The following HORMAD2 variants were observed in gnomAD, a reference collection of about 807,000 sequenced individuals.
HORMAD2 encodes the protein HORMA domain-containing protein 2.
In HORMAD2, 45 loss-of-function variants were observed where a neutral mutation model predicts 38.8. The ratio of observed to expected loss-of-function variants is 1.16; its 90% CI spans 0.91 to 1.49. HORMAD2 has a LOEUF of 1.49. Ranked by LOEUF, HORMAD2 falls within the 40% of genes most tolerant of loss-of-function variation. The pLI, the probability that HORMAD2 is intolerant of heterozygous loss-of-function variation, is 0.00. For missense variants in HORMAD2, 338 were observed against 367.0 expected, an observed-to-expected ratio of 0.92 and a Z score of 0.65; for synonymous variants, 126 against 122.8, an observed-to-expected ratio of 1.03 and a Z score of -0.17.
the HORMAD2 span, among the ~76,000 whole-genome samples, chr22:30,187,915 G>T: frequency 2.6e-3 from 391 of 152,154 alleles, 2 homozygotes; most frequent in Non-Finnish European, 3.1e-3. Flanking sequence ...TGGGGGAGCC[G>T]CTGTGAGTCT....
chr22:30,156,484 C>T (rs1167603721), intron 10 of HORMAD2, among the ~76,000 whole-genome samples: 1 of 152,132 alleles, frequency 6.6e-6, no homozygotes, highest in Non-Finnish European at 1.5e-5. Context: ...ATTTTTTCAT[C>T]TTTTGTTCAA....
chr22:30,126,755 A>G (rs1352647101), intron 10 of HORMAD2, among the ~76,000 whole-genome samples: 1 of 152,204 alleles, frequency 6.6e-6, no homozygotes, highest in Non-Finnish European at 1.5e-5. Flanking sequence ...TTTAACAGAT[A>G]GTGCAAAATA....
the HORMAD2 span, among the ~76,000 whole-genome samples, chr22:30,186,569 T>A: frequency 6.6e-6 from 1 of 152,162 alleles, no homozygotes; most frequent in Non-Finnish European, 1.5e-5. Flanking sequence ...CTCTTACTGA[T>A]GGGAAAATAT....
chr22:30,149,103 C>G (rs1484744292), intron 10 of HORMAD2, among the ~76,000 whole-genome samples: 2 of 152,188 alleles, frequency 1.3e-5, no homozygotes, highest in Non-Finnish European at 2.9e-5. Flanking sequence ...TGGGTTAAGT[C>G]AGTAACTGAT....
In HORMAD2 at chr22:30,098,839, G is replaced by C. The variant is rs769060655; in HGVS notation, c.52-13G>C. ...ATAATACTAATCTTTTTTCACCTCC[G>C]TTGTTTTTCCAGGAAACAGTTTTCC... On this transcript the variant is annotated splice_polypyrimidine_tract_variant and intron_variant, in intron 2 of 10. Coordinates refer to ENST00000336726, the MANE Select transcript of HORMAD2 (RefSeq NM_152510.4). The C allele has an allele frequency of 1.2e-6, 2 of 1,603,206 alleles. No homozygotes were observed. The highest frequency in any genetic ancestry group is 1.7e-6 in the Non-Finnish European group (2 of 1,174,978).
chr22:30,206,964 C>T, the HORMAD2 span: 5 of 425,756 alleles, frequency 1.2e-5, no homozygotes, highest in Middle Eastern at 1.0e-3. Flanking sequence ...CCCACCCGCC[C>T]CACTTTCTTC....
intron 10 of HORMAD2, among the ~76,000 whole-genome samples, chr22:30,125,205 C>CTTTTTTTTTTTTTTTTTTTTTTTT (rs1569099710): frequency 1.4e-5 from 1 of 69,470 alleles, no homozygotes; most frequent in African/African-American, 5.9e-5. Context: ...TTTTCACTTT[C>CTTTTTTTTTTTTTTTTTTTTTTTT]TTTTTCTTTT....
At chr22:30,206,510 T>C in the HORMAD2 span, among the ~76,000 whole-genome samples, 1 of 152,024 alleles carries the variant, frequency 6.6e-6, no homozygotes, top group Non-Finnish European at 1.5e-5. Context: ...AGAGATAGGG[T>C]CTGGCTTTGT....
At chr22:30,123,495 A>G (rs1208350233) in intron 10 of HORMAD2, among the ~76,000 whole-genome samples, 1 of 151,676 alleles carries the variant, frequency 6.6e-6, no homozygotes. Flanking sequence ...CACCTGGCTA[A>G]TTTTTTATTT....
chr22:30,132,804 T>G (rs781462388), intron 10 of HORMAD2, among the ~76,000 whole-genome samples: 1 of 152,206 alleles, frequency 6.6e-6, no homozygotes, highest in Non-Finnish European at 1.5e-5. Context: ...AATTACTTCT[T>G]TCCTTTTGTG....
At chr22:30,125,707 G>T (rs892611588) in intron 10 of HORMAD2, among the ~76,000 whole-genome samples, 5 of 151,754 alleles carry the variant, frequency 3.3e-5, no homozygotes, top group East Asian at 1.9e-4. Flanking sequence ...TTACATTTAG[G>T]TTTATAATCC....
At chr22:30,164,956 C>G (rs1207324401) in intron 10 of HORMAD2, among the ~76,000 whole-genome samples, 1 of 152,134 alleles carries the variant, frequency 6.6e-6, no homozygotes, top group Non-Finnish European at 1.5e-5. Flanking sequence ...ATTTTGAAGT[C>G]CAATTTACCT....
chr22:30,204,171 C>T, the HORMAD2 span, among the ~76,000 whole-genome samples: 51 of 152,120 alleles, frequency 3.4e-4, no homozygotes, highest in African/African-American at 1.1e-3. Flanking sequence ...ATTTGGAGCT[C>T]GCAGCCTGGC....
chr22:30,099,247 A>G (rs1920928296), intron 3 of HORMAD2, among the ~76,000 whole-genome samples: 1 of 152,218 alleles, frequency 6.6e-6, no homozygotes, highest in Admixed American at 6.5e-5. Context: ...CCAGTATAAA[A>G]GCAACAGCTA....
At chr22:30,124,358 A>G (rs897475974) in intron 10 of HORMAD2, among the ~76,000 whole-genome samples, 1 of 152,160 alleles carries the variant, frequency 6.6e-6, no homozygotes, top group Non-Finnish European at 1.5e-5. Context: ...TGAGATATAC[A>G]TATAATAGAC....
intron 1 of HORMAD2, among the ~76,000 whole-genome samples, chr22:30,088,007 A>G (rs1389496483): frequency 6.6e-6 from 1 of 151,776 alleles, no homozygotes; most frequent in African/African-American, 2.4e-5. Context: ...ACACACACAT[A>G]CATATATACA....
At chr22:30,198,685 C>A in the HORMAD2 span, among the ~76,000 whole-genome samples, 1 of 152,332 alleles carries the variant, frequency 6.6e-6, no homozygotes, top group Non-Finnish European at 1.5e-5. Context: ...TCTCATCTCC[C>A]TGGTCCTCAT....
chr22:30,087,609 A>C (rs2034568440), intron 1 of HORMAD2, among the ~76,000 whole-genome samples: 1 of 152,116 alleles, frequency 6.6e-6, no homozygotes, highest in Non-Finnish European at 1.5e-5. Flanking sequence ...TACAGAAAGC[A>C]TGGTAGCATC....
intron 5 of HORMAD2, among the ~76,000 whole-genome samples, chr22:30,106,435 A>G (rs768283048): frequency 4.6e-5 from 7 of 152,176 alleles, no homozygotes; most frequent in Non-Finnish European, 1.0e-4. Context: ...ATCATATGCA[A>G]TGGGAAGTAT....
Sources: gnomAD v4.1 joint callset for allele counts (sites outside exome capture counted in the v4.1 genomes callset) on GRCh38, gnomAD v4.1.1 for gene constraint, MANE v1.5 for transcripts, NCBI Gene and HGNC (gene_info 2026-07-23, HGNC 2026-07-21) for gene names.